WDFY4: variants seen among roughly 807,000 people sequenced by gnomAD.
WDFY4 encodes WD repeat- and FYVE domain-containing protein 4.
A neutral mutation model predicts 351.9 loss-of-function variants in WDFY4; 169 were observed. The observed-to-expected ratio is 0.48, with a 90% CI of 0.42 to 0.55. WDFY4 has a LOEUF of 0.55. WDFY4 is among the 20% of genes least tolerant of loss of function. The pLI, the probability that WDFY4 is intolerant of heterozygous loss-of-function variation, is 0.00. For synonymous variants in WDFY4, 1,622 were observed against 1,574.6 expected (o/e 1.03, Z -0.71); for missense variants, 3,803 against 3,935.6 (o/e 0.97, Z 0.90).
intron 39 of WDFY4, among the ~76,000 whole-genome samples, chr10:48,851,712 G>C (rs1401009761): frequency 2.0e-5 from 3 of 152,376 alleles, no homozygotes; most frequent in Non-Finnish European, 1.5e-5. Flanking sequence ...GTGGTTAGCG[G>C]GTGTTTCCTG....
chr10:48,952,877 G>A (rs538212910), intron 51 of WDFY4, among the ~76,000 whole-genome samples: 7 of 152,330 alleles, frequency 4.6e-5, no homozygotes, highest in East Asian at 3.9e-4. Context: ...ATTCAGTAGC[G>A]TGTCAGGGCC....
At chr10:48,753,084 C>T (rs889380237) in intron 12 of WDFY4, among the ~76,000 whole-genome samples, 1 of 152,138 alleles carries the variant, frequency 6.6e-6, no homozygotes, top group African/African-American at 2.4e-5. Flanking sequence ...AGTGTTATCT[C>T]ATTGTGATTT....
At chr10:48,871,519 G>A (rs1253696849) in intron 40 of WDFY4, among the ~76,000 whole-genome samples, 2 of 150,192 alleles carry the variant, frequency 1.3e-5, no homozygotes, top group Non-Finnish European at 3.0e-5. Flanking sequence ...TTGTTGCCCA[G>A]GCTGAAGTAC....
intron 2 of WDFY4, among the ~76,000 whole-genome samples, chr10:48,713,153 C>G (rs759731699): frequency 1.3e-5 from 2 of 152,188 alleles, no homozygotes; most frequent in Admixed American, 1.3e-4. Context: ...CTTTGTCGGT[C>G]AGACTCTGCA....
intron 47 of WDFY4, among the ~76,000 whole-genome samples, chr10:48,922,590 T>C (rs1334741602): frequency 1.3e-5 from 2 of 152,196 alleles, no homozygotes; most frequent in Non-Finnish European, 2.9e-5. Flanking sequence ...AATTAAACTT[T>C]ATCATAGGCA....
intron 47 of WDFY4, among the ~76,000 whole-genome samples, chr10:48,923,681 C>T (rs1412560161): frequency 2.6e-5 from 4 of 151,856 alleles, no homozygotes; most frequent in African/African-American, 9.7e-5. Flanking sequence ...TTTATCAACC[C>T]TCTGAGCAAC....
chr10:48,900,238 C>T lies in WDFY4; in HGVS notation c.7455C>T (p.Ile2485=). 5 of 1,551,716 alleles carry T rather than the reference C, an allele frequency of 3.2e-6. No individual in the cohort carries two copies. Among genetic ancestry groups the T allele is most frequent in the Non-Finnish European group, 4.4e-6 (5 of 1,146,964 alleles). Residue 2485 remains isoleucine, a synonymous_variant, in exon 46 of 62, where the codon ATC becomes ATT. Transcript: ENST00000325239. ...CTTCACAGGACATCGCCCTGGAGAT[C>T]TTCTTCCACAATGGATATTCCAAGT... is the stretch of plus-strand genomic sequence containing the variant. ...RFLLQDIALE[I]FFHNGYSKFL... is the part of the protein sequence containing the mutation.
intron 23 of WDFY4, 111 bp downstream of exon 23, chr10:48,791,028 G>A: frequency 7.4e-7 from 1 of 1,349,658 alleles, no homozygotes; most frequent in Non-Finnish European, 1.0e-6. Flanking sequence ...GTGACTTCTA[G>A]AGAAGGGCAG....
chr10:48,953,472 A>G (rs1841439469), intron 51 of WDFY4, among the ~76,000 whole-genome samples: 1 of 152,180 alleles, frequency 6.6e-6, no homozygotes, highest in African/African-American at 2.4e-5. Context: ...TGGGCACTGA[A>G]CTTCCTGCCC....
chr10:48,910,018 A>G, intron 47 of WDFY4: 1 of 559,060 alleles, frequency 1.8e-6, no homozygotes, highest in Non-Finnish European at 3.2e-6. Flanking sequence ...TAAAAACCAC[A>G]TCAAATATTT....
chr10:48,904,589 C>G (rs1837521078), intron 47 of WDFY4, among the ~76,000 whole-genome samples: 1 of 152,100 alleles, frequency 6.6e-6, no homozygotes, highest in South Asian at 2.1e-4. Flanking sequence ...TGGCCTGGCT[C>G]CATTTCTCAT....
intron 47 of WDFY4, chr10:48,911,020 A>G: frequency 2.3e-6 from 1 of 442,794 alleles, no homozygotes; most frequent in Non-Finnish European, 3.0e-6. Context: ...TCATGTAGCT[A>G]TCCGGCACTG....
At chr10:48,906,447 C>T (rs1406378241) in intron 47 of WDFY4, among the ~76,000 whole-genome samples, 1 of 152,176 alleles carries the variant, frequency 6.6e-6, no homozygotes, top group Non-Finnish European at 1.5e-5. Context: ...GAATCCTGTC[C>T]CAATGGTACA....
chr10:48,871,605 A>G (rs2127586), intron 40 of WDFY4, among the ~76,000 whole-genome samples: 57,297 of 151,856 alleles, frequency 0.38, 11,150 homozygotes, highest in East Asian at 0.71. Flanking sequence ...CCTCCCAAAT[A>G]GCTGAGAGTA....
intron 59 of WDFY4, among the ~76,000 whole-genome samples, chr10:48,977,735 G>A (rs1341312030): frequency 6.6e-6 from 1 of 152,246 alleles, no homozygotes; most frequent in Non-Finnish European, 1.5e-5. Context: ...TGTGGTCACT[G>A]AGCTCCTGGA....
intron 29 of WDFY4, 138 bp from the exon 30 acceptor site, chr10:48,811,401 C>T: frequency 1.4e-6 from 1 of 717,370 alleles, no homozygotes; most frequent in Non-Finnish European, 2.3e-6. Flanking sequence ...TTGCTCCCAT[C>T]TATGTGTGAA....
At chr10:48,907,040 T>C (rs1837650453) in intron 47 of WDFY4, among the ~76,000 whole-genome samples, 1 of 152,202 alleles carries the variant, frequency 6.6e-6, no homozygotes, top group African/African-American at 2.4e-5. Flanking sequence ...AATTCCTTTT[T>C]AATAAAACAT....
rs117802248 is a variant in WDFY4, at chr10:48,884,780, C to T, written c.7168-5799C>T. On this transcript the variant is annotated intron_variant, in intron 43 of 61. Coordinates refer to ENST00000325239, the MANE Select transcript of WDFY4 (RefSeq NM_001394531.1). Reference sequence around the variant, plus strand: ...GACTTGGAGTCACCTCCTCAGGAACCGTTTCTCTGGTGTCACCGCTGCCGC... The same window carrying T: ...GACTTGGAGTCACCTCCTCAGGAACTGTTTCTCTGGTGTCACCGCTGCCGC... Among the ~76,000 whole-genome samples, 1,477 of 152,296 alleles carry T rather than the reference C, an allele frequency of 9.7e-3. 14 individuals are homozygous for T. The highest frequency in any genetic ancestry group is 0.016 in the Non-Finnish European group (1,112 of 68,016).
Position 48,787,883 on chromosome 10 carries a change from T to C in WDFY4, c.3809-647T>C, listed in dbSNP as rs1057440016. 2.5e-3 allele frequency among the ~76,000 whole-genome samples: 228 copies of C among 90,066 alleles called. 18 individuals carry two copies. The highest frequency in any genetic ancestry group is 8.9e-3 in the African/African-American group (107 of 12,070). The allele number at this position is 90,066 out of a possible 152,430, so 59.1% of individuals were successfully genotyped here. On this transcript the variant is annotated intron_variant, in intron 20 of 61. Coordinates refer to ENST00000325239, the MANE Select transcript of WDFY4 (RefSeq NM_001394531.1). Reference sequence around the variant, plus strand: ...TTTCTTCTTCTTTCTTCTTTCTTTCTTCTTCTTCTCCTTCTTCTTCTTCTT... The same window carrying C: ...TTTCTTCTTCTTTCTTCTTTCTTTCCTCTTCTTCTCCTTCTTCTTCTTCTT...
Sources: gnomAD v4.1 joint callset for allele counts (sites outside exome capture counted in the v4.1 genomes callset) on GRCh38, gnomAD v4.1.1 for gene constraint, MANE v1.5 for transcripts, NCBI Gene and HGNC (gene_info 2026-07-23, HGNC 2026-07-21) for gene names.